The following PNPLA1 variants were observed in gnomAD, a reference collection of about 807,000 sequenced individuals.
PNPLA1 encodes the protein patatin like domain 1, omega-hydroxyceramide transacylase, also known as omega-hydroxyceramide transacylase.
In PNPLA1, 36 loss-of-function variants were observed where a neutral mutation model predicts 51.7. That is an observed-to-expected ratio of 0.70 (90% CI 0.53 to 0.92). The LOEUF (loss-of-function observed/expected upper bound fraction) is 0.92, where lower values mean the gene tolerates loss of function less well. Ranked by LOEUF, PNPLA1 falls within the 40% of genes least tolerant of loss-of-function variation. PNPLA1 has a pLI of 0.00. For missense variants in PNPLA1, 658 were observed against 682.5 expected (o/e 0.96, Z 0.40); for synonymous variants, 293 against 280.1 (o/e 1.05, Z -0.46).
intron 1 of PNPLA1, among the ~76,000 whole-genome samples, chr6:36,278,931 G>A (rs143558897): frequency 9.2e-5 from 14 of 152,290 alleles, no homozygotes; most frequent in South Asian, 4.1e-4. Context: ...GTCAGCATGC[G>A]TGCTCAAAGG....
rs74518914 is a variant in PNPLA1, at chr6:36,312,512, C to T, written c.*626C>T. On this transcript the variant is annotated 3_prime_UTR_variant, in exon 9 of 9. Transcript: ENST00000636260. ...TGTATGAACCTGTAAGGGTGATCCCCGGTGGAACTAAGGTTAGGGAAGTCC... is the reference window on the plus strand; with the variant it reads ...TGTATGAACCTGTAAGGGTGATCCCTGGTGGAACTAAGGTTAGGGAAGTCC... Among the ~76,000 whole-genome samples the T allele has an allele frequency of 1.8e-3, 277 of 152,214 alleles. 7 individuals are homozygous for T. Among genetic ancestry groups the T allele is most frequent in the Admixed American group, 0.018 (273 of 15,290 alleles).
intron 1 of PNPLA1, among the ~76,000 whole-genome samples, chr6:36,278,235 C>A (rs773202186): frequency 5.9e-5 from 9 of 152,194 alleles, no homozygotes; most frequent in Non-Finnish European, 8.8e-5. Flanking sequence ...AATCTGAGAT[C>A]TTGTGGGTCC....
rs1769871864 is a variant in PNPLA1, at chr6:36,270,328, C to CAGCCA, written c.-131_-127dup. The CAGCCA allele has an allele frequency of 1.1e-6, 1 of 920,296 alleles. No individual in the cohort carries two copies. Among genetic ancestry groups the CAGCCA allele is most frequent in the Non-Finnish European group, 1.7e-6 (1 of 594,856 alleles). 57.0% of individuals were successfully genotyped at this position (920,296 alleles called of 1,614,324 possible). On this transcript the variant is annotated 5_prime_UTR_variant, in exon 1 of 9. Coordinates refer to ENST00000636260, the MANE Select transcript of PNPLA1 (RefSeq NM_001374623.1). Reference sequence around the variant, plus strand: ...TGTGGTTGCTCCAGCCGGGTAGAGACAGCCACATTCCAAGCTCCGGGGTGG... The same window carrying CAGCCA: ...TGTGGTTGCTCCAGCCGGGTAGAGACAGCCAAGCCACATTCCAAGCTCCGGGGTGG...
intron 1 of PNPLA1, among the ~76,000 whole-genome samples, chr6:36,272,755 C>T (rs969393537): frequency 2.6e-5 from 4 of 152,112 alleles, no homozygotes; most frequent in Non-Finnish European, 5.9e-5. Flanking sequence ...AGATAATAGC[C>T]CCCTCCCAGC....
At chr6:36,271,788 C>T (rs1769924146) in intron 1 of PNPLA1, among the ~76,000 whole-genome samples, 1 of 152,200 alleles carries the variant, frequency 6.6e-6, no homozygotes, top group South Asian at 2.1e-4. Context: ...GCCACAAGCT[C>T]TCATCTCACC....
chr6:36,307,860 A>C, intron 8 of PNPLA1, 148 bp downstream of exon 8: 1 of 1,038,708 alleles, frequency 9.6e-7, no homozygotes. Context: ...TCCGACATAA[A>C]ATTCCTGCTC....
upstream of PNPLA1, among the ~76,000 whole-genome samples, chr6:36,266,136 G>A (rs1026944406): frequency 1.3e-5 from 2 of 152,188 alleles, no homozygotes; most frequent in Non-Finnish European, 2.9e-5. Context: ...CAACCAGAAG[G>A]GTGAGTTTGG....
At chr6:36,307,096 C>T (rs1254117750) in intron 7 of PNPLA1, among the ~76,000 whole-genome samples, 1 of 152,168 alleles carries the variant, frequency 6.6e-6, no homozygotes, top group Non-Finnish European at 1.5e-5. Flanking sequence ...CCTCTCATCC[C>T]TCCCTGCCTT....
In PNPLA1 at chr6:36,270,568, G is replaced by C; in HGVS notation, c.109G>C (p.Asp37His). Residue 37 changes from aspartate to histidine, a missense_variant, in exon 1 of 9, where the codon GAC becomes CAC. By Grantham distance (81) the Asp-to-His change is moderately conservative. Transcript: ENST00000636260. ...GGCGGGGGCTGTGGACGCCCTGCGG[G>C]ACCTGGCCCCCCGGATGCTGGAAAC... Reference protein sequence around the residue: ...YQAGAVDALRDLAPRMLETAH... With the variant: ...YQAGAVDALRHLAPRMLETAH... 1 of 1,551,648 alleles carries C rather than the reference G, an allele frequency of 6.4e-7. No individual in the cohort carries two copies. The highest frequency in any genetic ancestry group is 8.7e-7 in the Non-Finnish European group (1 of 1,147,010).
intron 1 of PNPLA1, among the ~76,000 whole-genome samples, chr6:36,272,050 C>T (rs1354326814): frequency 6.6e-6 from 1 of 152,178 alleles, no homozygotes; most frequent in Admixed American, 6.5e-5. Context: ...TTCCACACAC[C>T]AGGGTTGGTG....
At position 36,302,312 on chromosome 6, in the gene PNPLA1, A is replaced by G; in HGVS notation, c.1227A>G (p.Gly409=). The G allele has an allele frequency of 6.2e-7, 1 of 1,614,062 alleles. No homozygotes were observed. Residue 409 remains glycine, a synonymous_variant, in exon 6 of 9, where the codon GGA becomes GGG. Transcript: ENST00000636260. ...LSPQQQVQPS[G]SPARSLHSQA... ...CTCAGCAGCAGGTACAACCGTCTGG[A>G]TCACCAGCCAGATCCCTACACTCTC...
Position 36,312,780 on chromosome 6 carries a change from C to T in PNPLA1, c.*894C>T, listed in dbSNP as rs1771435516. ...GCGATCCTTTCAACCCTTCCACTACCCTACTCTGGACAGACTGATGGATGC... is the reference window on the plus strand; with the variant it reads ...GCGATCCTTTCAACCCTTCCACTACTCTACTCTGGACAGACTGATGGATGC... On this transcript the variant is annotated 3_prime_UTR_variant, in exon 9 of 9. Coordinates refer to ENST00000636260, the MANE Select transcript of PNPLA1 (RefSeq NM_001374623.1). Among the ~76,000 whole-genome samples the T allele has an allele frequency of 2.0e-5, 3 of 152,216 alleles. No individual in the cohort carries two copies. The South Asian group carries it at 6.2e-4, about 32-fold the overall frequency.
In PNPLA1 at chr6:36,293,518, G is replaced by A. The variant is rs147296697; in HGVS notation, c.504+392G>A. Among the ~76,000 whole-genome samples the A allele has an allele frequency of 2.2e-3, 330 of 152,332 alleles. 7 individuals carry two copies. The South Asian group carries it at 0.041, about 19-fold the overall frequency. On this transcript the variant is annotated intron_variant, in intron 3 of 8. Coordinates refer to ENST00000636260, the MANE Select transcript of PNPLA1 (RefSeq NM_001374623.1). Reference sequence around the variant, plus strand: ...ACTTTAATGTGCCCTTGAATCACTCGGGGTCTCGTAAAATTATGCAAGTTC... The same window carrying A: ...ACTTTAATGTGCCCTTGAATCACTCAGGGTCTCGTAAAATTATGCAAGTTC...
intron 1 of PNPLA1, among the ~76,000 whole-genome samples, chr6:36,251,003 G>A (rs1316923306): frequency 2.0e-5 from 3 of 152,138 alleles, no homozygotes; most frequent in Non-Finnish European, 4.4e-5. Context: ...CGCCCGGCCT[G>A]TAAAGGCTTT....
chr6:36,271,879 C>A lies in PNPLA1; in HGVS notation c.205+1215C>A, dbSNP rs150708747. The stretch of plus-strand genomic sequence containing the variant: ...GTGAGCTCCTCAGGTGGGATCCCAG[C>A]TCTGCCATTTCATGATGCATGCCTG... On this transcript the variant is annotated intron_variant, in intron 1 of 8. Coordinates refer to ENST00000636260, the MANE Select transcript of PNPLA1 (RefSeq NM_001374623.1). Among the ~76,000 whole-genome samples, 389 of 152,310 alleles carry A rather than the reference C, an allele frequency of 2.6e-3. 4 individuals carry two copies. Among genetic ancestry groups the A allele is most frequent in the African/African-American group, 9.0e-3 (375 of 41,560 alleles).
intron 6 of PNPLA1, among the ~76,000 whole-genome samples, chr6:36,302,722 C>T (rs1311247209): frequency 2.6e-5 from 4 of 152,342 alleles, no homozygotes; most frequent in South Asian, 4.1e-4. Context: ...CACCTGGGAA[C>T]TTGCTAGAAA....
intron 1 of PNPLA1, among the ~76,000 whole-genome samples, chr6:36,244,408 G>GTT (rs200494555): frequency 6.9e-6 from 1 of 144,818 alleles, no homozygotes; most frequent in African/African-American, 2.5e-5. Context: ...TGAGGGTTTT[G>GTT]TTTTTTTTTT....
At chr6:36,263,145 C>CA (rs780807683) in intron 1 of PNPLA1, among the ~76,000 whole-genome samples, 2 of 151,824 alleles carry the variant, frequency 1.3e-5, no homozygotes, top group South Asian at 2.1e-4. Flanking sequence ...ACCATAAACA[C>CA]AAAAAAATAT....
rs544548935 is a variant in PNPLA1 at position 36,284,629 on chromosome 6, T to C, written c.206-6691T>C. Among the ~76,000 whole-genome samples the C allele has an allele frequency of 2.6e-5, 4 of 152,208 alleles. No individual in the cohort carries two copies. In the South Asian group the frequency reaches 8.3e-4, roughly 32 times the overall value. ...CGGCTGACATTTACTGAGGCTCATC[T>C]TTTTCCTGGGCAAGATTTCTTACCT... is the stretch of plus-strand genomic sequence containing the variant. On this transcript the variant is annotated intron_variant, in intron 1 of 8. Coordinates refer to ENST00000636260, the MANE Select transcript of PNPLA1 (RefSeq NM_001374623.1).
Sources: allele counts gnomAD v4.1 joint callset (sites outside exome capture counted in the v4.1 genomes callset), GRCh38; gene constraint gnomAD v4.1.1; transcripts MANE v1.5; gene names NCBI Gene and HGNC (gene_info 2026-07-23, HGNC 2026-07-21).